Variants in MARCKSL1 observed in about 807,000 individuals in gnomAD.
MARCKSL1 encodes the protein MARCKS like 1, also known as MARCKS-related protein.
Under a neutral mutation model 13.3 loss-of-function variants are expected in MARCKSL1, and 5 were observed. The ratio of observed to expected loss-of-function variants is 0.38; its 90% CI spans 0.20 to 0.79. The LOEUF (loss-of-function observed/expected upper bound fraction) is 0.79. Ranked by LOEUF, MARCKSL1 falls within the 30% of genes least tolerant of loss-of-function variation. The pLI is 0.45. For missense variants in MARCKSL1, 274 were observed against 251.6 expected, an observed-to-expected ratio of 1.09 and a Z score of -0.60; for synonymous variants, 126 against 103.2, an observed-to-expected ratio of 1.22 and a Z score of -1.34.
rs1285468338 is a variant in MARCKSL1 at position 32,336,194 on chromosome 1, T to C, written c.-161A>G. 1.5e-5 allele frequency: 5 copies of C among 340,968 alleles called. No homozygotes were observed. Among genetic ancestry groups the C allele is most frequent in the East Asian group, 4.4e-5 (1 of 22,640 alleles). 21.1% of individuals were successfully genotyped at this position (340,968 alleles called of 1,614,324 possible). On this transcript the variant is annotated 5_prime_UTR_variant, in exon 1 of 2. Transcript: ENST00000329421. Reference sequence around the variant, plus strand: ...CACCTCCGCTCCGCGGCCGACCCGCTAGCTGCGCCCGCCGCCGCTCCGCTC... The same window carrying C: ...CACCTCCGCTCCGCGGCCGACCCGCCAGCTGCGCCCGCCGCCGCTCCGCTC...
chr1:32,335,106 C>A lies in MARCKSL1; in HGVS notation c.88-9G>T. 6.6e-7 allele frequency: 1 copy of A among 1,519,906 alleles called. No homozygotes were observed. Among genetic ancestry groups the A allele is most frequent in the Non-Finnish European group, 8.8e-7 (1 of 1,135,748 alleles). The allele number at this position is 1,519,906 out of a possible 1,614,324, so 94.2% of individuals were successfully genotyped here. A position where few individuals can be genotyped will look rare whatever the true frequency, so the allele number is the denominator to read the frequency against. ...TTCACGTGGCCATTCTCCTGCAGGG[C>A]AGAGGGAATAGCAATGAGGGCAGGG... On this transcript the variant is annotated splice_polypyrimidine_tract_variant and intron_variant, in intron 1 of 1. Transcript: ENST00000329421. The surrounding 1 kb of genome is among the most constrained non-coding windows in gnomAD (Gnocchi z 4.1).
At position 32,335,632 on chromosome 1, in the gene MARCKSL1, C is replaced by T. The variant is rs1570049976; in HGVS notation, c.87+315G>A. On this transcript the variant is annotated intron_variant, in intron 1 of 1. Coordinates refer to ENST00000329421, the MANE Select transcript of MARCKSL1 (RefSeq NM_023009.7). This position sits in a 1 kb window ranked among gnomAD's most constrained non-coding sequence, Gnocchi z 4.1. ...TCCCCGCCGGGCCCCAGCTCCGCGGCCCCTGGGCGCCCCCTTGGCGTGGCC... is the reference window on the plus strand; with the variant it reads ...TCCCCGCCGGGCCCCAGCTCCGCGGTCCCTGGGCGCCCCCTTGGCGTGGCC... Among the ~76,000 whole-genome samples the T allele has an allele frequency of 6.6e-6, 1 of 151,638 alleles. No homozygotes were observed. The highest frequency in any genetic ancestry group is 2.1e-4 in the South Asian group (1 of 4,834).
In MARCKSL1 at chr1:32,335,675, C is replaced by T. The variant is rs1014000186; in HGVS notation, c.87+272G>A. ...GCGTGGCCCAGCAGCGCCTTTGTTC[C>T]CCGCGCGGCACTCGGGGCGGCCGGG... On this transcript the variant is annotated intron_variant, in intron 1 of 1. Transcript: ENST00000329421. The surrounding 1 kb of genome is among the most constrained non-coding windows in gnomAD (Gnocchi z 4.1). Among the ~76,000 whole-genome samples the T allele has an allele frequency of 6.6e-6, 1 of 151,556 alleles. No homozygotes were observed. The highest frequency in any genetic ancestry group is 2.4e-5 in the African/African-American group (1 of 41,360).
Position 32,335,139 on chromosome 1 carries a change from C to G in MARCKSL1, c.88-42G>C, listed in dbSNP as rs1189416233. 2 of 1,496,710 alleles carry G rather than the reference C, an allele frequency of 1.3e-6. No individual in the cohort carries two copies. Among genetic ancestry groups the G allele is most frequent in the East Asian group, 2.3e-5 (1 of 42,814 alleles). The allele number at this position is 1,496,710 out of a possible 1,614,324, so 92.7% of individuals were successfully genotyped here. A position where few individuals can be genotyped will look rare whatever the true frequency, so the allele number is the denominator to read the frequency against. Reference sequence around the variant, plus strand: ...ATAGCAATGAGGGCAGGGGCTCCCCCTCCCCCAGCCCGCTTCTGATCCCTT... The same window carrying G: ...ATAGCAATGAGGGCAGGGGCTCCCCGTCCCCCAGCCCGCTTCTGATCCCTT... On this transcript the variant is annotated intron_variant, in intron 1 of 1. Coordinates refer to ENST00000329421, the MANE Select transcript of MARCKSL1 (RefSeq NM_023009.7). This position sits in a 1 kb window ranked among gnomAD's most constrained non-coding sequence, Gnocchi z 4.1.
Position 32,335,578 on chromosome 1 carries a change from C to T in MARCKSL1, c.87+369G>A, listed in dbSNP as rs1641376492. ...TTAAAAAAAAAAAGACCGTGGGCCACCGAGGTCGGGTCGGCGGGTGGAGTG... is the reference window on the plus strand; with the variant it reads ...TTAAAAAAAAAAAGACCGTGGGCCATCGAGGTCGGGTCGGCGGGTGGAGTG... On this transcript the variant is annotated intron_variant, in intron 1 of 1. Coordinates refer to ENST00000329421, the MANE Select transcript of MARCKSL1 (RefSeq NM_023009.7). The surrounding 1 kb of genome is among the most constrained non-coding windows in gnomAD (Gnocchi z 4.1). Among the ~76,000 whole-genome samples, 1 of 151,660 alleles carries T rather than the reference C, an allele frequency of 6.6e-6. No individual in the cohort carries two copies. The highest frequency in any genetic ancestry group is 1.5e-5 in the Non-Finnish European group (1 of 67,764).
Position 32,334,555 on chromosome 1 carries a change from C to T in MARCKSL1, c.*42G>A, listed in dbSNP as rs1426841060. On this transcript the variant is annotated 3_prime_UTR_variant, in exon 2 of 2. Transcript: ENST00000329421. ...AGGCAGTGACCTCACAAGGACAGCA[C>T]AGTTTTTGCAGCTTAGAGATCACCC... 1 of 1,505,614 alleles carries T rather than the reference C, an allele frequency of 6.6e-7. No individual in the cohort carries two copies. The highest frequency in any genetic ancestry group is 8.9e-7 in the Non-Finnish European group (1 of 1,127,984). 93.3% of individuals were successfully genotyped at this position (1,505,614 alleles called of 1,614,324 possible). A position where few individuals can be genotyped will look rare whatever the true frequency, so the allele number is the denominator to read the frequency against.
At position 32,336,102 on chromosome 1, in the gene MARCKSL1, T is replaced by A; in HGVS notation, c.-69A>T. 1.7e-6 allele frequency: 1 copy of A among 581,490 alleles called. No individual in the cohort carries two copies. The highest frequency in any genetic ancestry group is 2.2e-6 in the Non-Finnish European group (1 of 459,800). The allele number at this position is 581,490 out of a possible 1,614,324, so 36.0% of individuals were successfully genotyped here. ...CGCCGCAGGGGATAGTACGGCGGGG[T>A]CGGCCCGGCCGGCGGAGGGGTGGGG... On this transcript the variant is annotated 5_prime_UTR_variant, in exon 1 of 2. Coordinates refer to ENST00000329421, the MANE Select transcript of MARCKSL1 (RefSeq NM_023009.7).
chr1:32,336,206 C>CCGCCG lies in MARCKSL1; in HGVS notation c.-178_-174dup, dbSNP rs970836284. The CCGCCG allele has an allele frequency of 6.0e-6, 2 of 333,464 alleles. No individual in the cohort carries two copies. Among genetic ancestry groups the CCGCCG allele is most frequent in the Non-Finnish European group, 1.1e-5 (2 of 184,416 alleles). 20.7% of individuals were successfully genotyped at this position (333,464 alleles called of 1,614,324 possible). On this transcript the variant is annotated 5_prime_UTR_variant, in exon 1 of 2. Transcript: ENST00000329421. The stretch of plus-strand genomic sequence containing the variant: ...GCGGCCGACCCGCTAGCTGCGCCCG[C>CCGCCG]CGCCGCTCCGCTCCGCGCCAGAATG...
Position 32,334,537 on chromosome 1 carries a change from G to A in MARCKSL1, c.*60C>T. ...AGCCAGGGCACCAGGTCCAGGCAGT[G>A]ACCTCACAAGGACAGCACAGTTTTT... is the stretch of plus-strand genomic sequence containing the variant. On this transcript the variant is annotated 3_prime_UTR_variant, in exon 2 of 2. Transcript: ENST00000329421. The A allele has an allele frequency of 1.4e-6, 2 of 1,479,844 alleles. No individual in the cohort carries two copies. The highest frequency in any genetic ancestry group is 9.0e-7 in the Non-Finnish European group (1 of 1,114,614). The allele number at this position is 1,479,844 out of a possible 1,614,324, so 91.7% of individuals were successfully genotyped here. A position where few individuals can be genotyped will look rare whatever the true frequency, so the allele number is the denominator to read the frequency against.
chr1:32,334,429 G>T lies in MARCKSL1; in HGVS notation c.*168C>A. On this transcript the variant is annotated 3_prime_UTR_variant, in exon 2 of 2. Coordinates refer to ENST00000329421, the MANE Select transcript of MARCKSL1 (RefSeq NM_023009.7). ...TAAGAGGAGAACCAGATGGCTGATGGGAGAATCCACAGGAGGGAGAGGAGG... is the reference window on the plus strand; with the variant it reads ...TAAGAGGAGAACCAGATGGCTGATGTGAGAATCCACAGGAGGGAGAGGAGG... 1 of 729,976 alleles carries T rather than the reference G, an allele frequency of 1.4e-6. No individual in the cohort carries two copies. Among genetic ancestry groups the T allele is most frequent in the Non-Finnish European group, 2.1e-6 (1 of 483,482 alleles). The allele number at this position is 729,976 out of a possible 1,614,324, so 45.2% of individuals were successfully genotyped here.
Position 32,334,964 on chromosome 1 carries a change from G to A in MARCKSL1, c.221C>T (p.Ala74Val). ...AIEPAPPSQG[A>V]EAKGEVPPKE... ...GGGGGGGACCTCCCCCTTGGCCTCA[G>A]CACCCTGGCTAGGGGGTGCTGGCTC... is the stretch of plus-strand genomic sequence containing the variant. The change falls in exon 2 of 2, where the codon GCT becomes GTT. Residue 74 changes from alanine (A) to valine (V), a missense_variant. Ala to Val is a moderately conservative substitution (Grantham distance 64). Transcript: ENST00000329421. 1 of 1,612,586 alleles carries A rather than the reference G, an allele frequency of 6.2e-7. No homozygotes were observed. The highest frequency in any genetic ancestry group is 1.1e-5 in the South Asian group (1 of 91,062).
chr1:32,334,890 T>C lies in MARCKSL1; in HGVS notation c.295A>G (p.Lys99Glu). The C allele has an allele frequency of 6.2e-7, 1 of 1,612,612 alleles. No individual in the cohort carries two copies. The change falls in exon 2 of 2, where the codon AAA becomes GAA. Residue 99 changes from lysine (K) to glutamate (E), a missense_variant. Coordinates refer to ENST00000329421, the MANE Select transcript of MARCKSL1 (RefSeq NM_023009.7). ...CTCTTGAAGGACAGGCCGCTCAATT[T>C]GAAAGGCTTCTTGAAAGAGAATTTC... ...KKKFSFKKPF[K>E]LSGLSFKRNR...
In MARCKSL1 at chr1:32,335,924, C is replaced by T. The variant is rs1236216532; in HGVS notation, c.87+23G>A. ...CGAGGTGCGAGAGGAGGGGCTGGGG[C>T]CGGCCGGGCCAAGCGTACCCACCTG... On this transcript the variant is annotated intron_variant, in intron 1 of 1. Transcript: ENST00000329421. This position sits in a 1 kb window ranked among gnomAD's most constrained non-coding sequence, Gnocchi z 4.1. 1.6e-6 allele frequency: 2 copies of T among 1,271,718 alleles called. No homozygotes were observed. Among genetic ancestry groups the T allele is most frequent in the Non-Finnish European group, 2.0e-6 (2 of 1,001,600 alleles). 78.8% of individuals were successfully genotyped at this position (1,271,718 alleles called of 1,614,324 possible).
rs775098123 is a variant in MARCKSL1 at position 32,334,940 on chromosome 1, G to T, written c.245C>A (p.Pro82His). ...QGAEAKGEVP[P>H]KETPKKKKKF... ...CTTCTTCTTCTTGGGGGTCTCCTTG[G>T]GGGGGACCTCCCCCTTGGCCTCAGC... The change falls in exon 2 of 2, where the codon CCC becomes CAC. Residue 82 changes from proline to histidine, a missense_variant. Pro to His is a moderately conservative substitution (Grantham distance 77). Coordinates refer to ENST00000329421, the MANE Select transcript of MARCKSL1 (RefSeq NM_023009.7). The T allele has an allele frequency of 2.2e-5, 36 of 1,612,118 alleles. No individual in the cohort carries two copies. The highest frequency in any genetic ancestry group is 2.7e-5 in the Non-Finnish European group (32 of 1,179,936).
chr1:32,335,169 A>T lies in MARCKSL1; in HGVS notation c.88-72T>A. The T allele has an allele frequency of 7.2e-7, 1 of 1,386,660 alleles. No homozygotes were observed. Among genetic ancestry groups the T allele is most frequent in the Non-Finnish European group, 9.5e-7 (1 of 1,056,364 alleles). The allele number at this position is 1,386,660 out of a possible 1,614,324, so 85.9% of individuals were successfully genotyped here. ...CCAGCCCGCTTCTGATCCCTTCTAG[A>T]GGAAGGGGTCCTCGATTCGATTCTA... On this transcript the variant is annotated intron_variant, in intron 1 of 1. Coordinates refer to ENST00000329421, the MANE Select transcript of MARCKSL1 (RefSeq NM_023009.7). This position sits in a 1 kb window ranked among gnomAD's most constrained non-coding sequence, Gnocchi z 4.1.
chr1:32,336,104 G>T lies in MARCKSL1; in HGVS notation c.-71C>A. 2 of 866,236 alleles carry T rather than the reference G, an allele frequency of 2.3e-6. No individual in the cohort carries two copies. Among genetic ancestry groups the T allele is most frequent in the South Asian group, 5.1e-5 (1 of 19,556 alleles). The allele number at this position is 866,236 out of a possible 1,614,324, so 53.7% of individuals were successfully genotyped here. A position where few individuals can be genotyped will look rare whatever the true frequency, so the allele number is the denominator to read the frequency against. ...CCGCAGGGGATAGTACGGCGGGGTC[G>T]GCCCGGCCGGCGGAGGGGTGGGGCT... On this transcript the variant is annotated 5_prime_UTR_variant, in exon 1 of 2. Transcript: ENST00000329421.
rs1641346499 is a variant in MARCKSL1, at chr1:32,334,335, C to G, written c.*262G>C. On this transcript the variant is annotated 3_prime_UTR_variant, in exon 2 of 2. Coordinates refer to ENST00000329421, the MANE Select transcript of MARCKSL1 (RefSeq NM_023009.7). Reference sequence around the variant, plus strand: ...GTGGGGACAGGGAAGGAGGTAGGGCCAGGGACAGGAGCATTTCACATCACT... The same window carrying G: ...GTGGGGACAGGGAAGGAGGTAGGGCGAGGGACAGGAGCATTTCACATCACT... 2.6e-6 allele frequency: 1 copy of G among 379,516 alleles called. No homozygotes were observed. Among genetic ancestry groups the G allele is most frequent in the African/African-American group, 2.1e-5 (1 of 48,132 alleles). The allele number at this position is 379,516 out of a possible 1,614,324, so 23.5% of individuals were successfully genotyped here.
At position 32,335,838 on chromosome 1, in the gene MARCKSL1, C is replaced by T; in HGVS notation, c.87+109G>A. On this transcript the variant is annotated intron_variant, in intron 1 of 1. Transcript: ENST00000329421. The surrounding 1 kb of genome is among the most constrained non-coding windows in gnomAD (Gnocchi z 4.1). Reference sequence around the variant, plus strand: ...AGGGACCGGGCGGGGGAGGGGGCGCCGCGTGTCCCGGGCCGGACAAAGCGC... The same window carrying T: ...AGGGACCGGGCGGGGGAGGGGGCGCTGCGTGTCCCGGGCCGGACAAAGCGC... The T allele has an allele frequency of 2.1e-6, 1 of 484,770 alleles. No homozygotes were observed. The highest frequency in any genetic ancestry group is 3.2e-6 in the Non-Finnish European group (1 of 315,482). 30.0% of individuals were successfully genotyped at this position (484,770 alleles called of 1,614,324 possible). A position where few individuals can be genotyped will look rare whatever the true frequency, so the allele number is the denominator to read the frequency against.
chr1:32,335,476 C>T lies in MARCKSL1; in HGVS notation c.88-379G>A, dbSNP rs1329851195. On this transcript the variant is annotated intron_variant, in intron 1 of 1. Coordinates refer to ENST00000329421, the MANE Select transcript of MARCKSL1 (RefSeq NM_023009.7). This position sits in a 1 kb window ranked among gnomAD's most constrained non-coding sequence, Gnocchi z 4.1. ...GGGGCGCTGTCTCTCTGCACCTGGACGGCCTATTTTCCCAGCCTCCCGCTT... is the reference window on the plus strand; with the variant it reads ...GGGGCGCTGTCTCTCTGCACCTGGATGGCCTATTTTCCCAGCCTCCCGCTT... Among the ~76,000 whole-genome samples the T allele has an allele frequency of 2.6e-5, 4 of 151,790 alleles. No homozygotes were observed. Among genetic ancestry groups the T allele is most frequent in the African/African-American group, 9.7e-5 (4 of 41,368 alleles).
Sources: allele counts gnomAD v4.1 joint callset (sites outside exome capture counted in the v4.1 genomes callset), GRCh38; gene constraint gnomAD v4.1.1; non-coding constraint Gnocchi (gnomAD v3.1); transcripts MANE v1.5; gene names NCBI Gene and HGNC (gene_info 2026-07-23, HGNC 2026-07-21).